Variants in EPB41L3 observed in about 807,000 individuals in gnomAD.
The protein encoded by EPB41L3 is erythrocyte membrane protein band 4.1 like 3, also known as band 4.1-like protein 3.
Under a neutral mutation model 127.1 loss-of-function variants are expected in EPB41L3, and 57 were observed. The ratio of observed to expected loss-of-function variants is 0.45; its 90% confidence interval spans 0.36 to 0.56. The LOEUF (loss-of-function observed/expected upper bound fraction) is 0.56, where lower values mean the gene tolerates loss of function less well. Among genes scored for constraint, EPB41L3 ranks in the 20% least tolerant of loss-of-function variants. EPB41L3 has a pLI of 0.00. For synonymous variants in EPB41L3, 572 were observed against 549.5 expected (o/e 1.04, Z -0.57); for missense variants, 1,273 against 1,372.2 (o/e 0.93, Z 1.14).
intron 5 of EPB41L3, among the ~76,000 whole-genome samples, chr18:5,442,101 C>G (rs554785411): frequency 1.4e-4 from 21 of 152,032 alleles, no homozygotes; most frequent in Non-Finnish European, 2.4e-4. Context: ...CTCAGTATTC[C>G]ATTAATTAGA....
intron 1 of EPB41L3, among the ~76,000 whole-genome samples, chr18:5,625,869 T>C (rs2094917605): frequency 6.6e-6 from 1 of 152,116 alleles, no homozygotes; most frequent in South Asian, 2.1e-4. Flanking sequence ...TTCACCCTTG[T>C]TTTCCCACCA....
chr18:5,630,558 G>C, upstream of EPB41L3: 1 of 516,052 alleles, frequency 1.9e-6, no homozygotes, highest in Non-Finnish European at 3.9e-6. Context: ...TCGGCGGCGG[G>C]AAAGAGCTCC....
Position 5,428,255 on chromosome 18 carries a change from C to T in EPB41L3, c.1065+58G>A, listed in dbSNP as rs553854511. 6.0e-4 allele frequency: 956 copies of T among 1,594,366 alleles called. 4 individuals are homozygous for T. In the South Asian group the frequency reaches 6.3e-3, roughly 10 times the overall value. On this transcript the variant is annotated intron_variant, in intron 9 of 22. Coordinates refer to ENST00000341928, the MANE Select transcript of EPB41L3 (RefSeq NM_012307.5). ...AACTCATAAGCAGATAATTTAAATG[C>T]TTGCTTGCTATCAGGGATCTTTCCT...
chr18:5,543,093 G>T lies in EPB41L3; in HGVS notation c.-12+820C>A, dbSNP rs1396952202. 1.3e-5 allele frequency among the ~76,000 whole-genome samples: 2 copies of T among 151,650 alleles called. No homozygotes were observed. The highest frequency in any genetic ancestry group is 4.8e-5 in the African/African-American group (2 of 41,358). On this transcript the variant is annotated intron_variant, in intron 1 of 22. Coordinates refer to ENST00000341928, the MANE Select transcript of EPB41L3 (RefSeq NM_012307.5). The surrounding 1 kb of genome is among the most constrained non-coding windows in gnomAD (Gnocchi z 5.2). Reference sequence around the variant, plus strand: ...CGCCGCCCCGAGCCCCCGGGCCACGGCAGGCCGACCCAGGCGCCCCCGGCC... The same window carrying T: ...CGCCGCCCCGAGCCCCCGGGCCACGTCAGGCCGACCCAGGCGCCCCCGGCC...
rs140386239 is a variant in EPB41L3, at chr18:5,415,846, T to C, written c.2039A>G (p.Asn680Ser). 1,365 of 1,612,938 alleles carry C rather than the reference T, an allele frequency of 8.5e-4. 6 individuals are homozygous for C. In the African/African-American group the frequency reaches 0.014, roughly 17 times the overall value. The change falls in exon 13 of 23, where the codon AAT becomes AGT. Residue 680 changes from asparagine (N) to serine (S), a missense_variant. This residue lies in a region of EPB41L3 where 765 missense variants were observed against 782.9 expected (regional missense o/e 0.98). Coordinates refer to ENST00000341928, the MANE Select transcript of EPB41L3 (RefSeq NM_012307.5). ...KAASLSASLD[N>S]DPSDSSEEET... The stretch of plus-strand genomic sequence containing the variant: ...TTCCTCTGAACTGTCACTCGGGTCA[T>C]TGTCTAGGGAGGCGCTCAAGGAGGC...
intron 15 of EPB41L3, 97 bp downstream of exon 15, chr18:5,407,604 A>G (rs1285425279): frequency 3.1e-6 from 4 of 1,282,362 alleles, no homozygotes; most frequent in South Asian, 2.6e-5. Context: ...CCAGCTACAG[A>G]GCATGCTGAA....
At chr18:5,617,471 A>G (rs531850199) in intron 1 of EPB41L3, among the ~76,000 whole-genome samples, 1 of 152,256 alleles carries the variant, frequency 6.6e-6, no homozygotes, top group East Asian at 1.9e-4. Flanking sequence ...GGCGCCAGCC[A>G]CCACACCCGG....
At chr18:5,627,482 C>T (rs990073969) in intron 1 of EPB41L3, among the ~76,000 whole-genome samples, 3 of 152,156 alleles carry the variant, frequency 2.0e-5, no homozygotes, top group Admixed American at 6.5e-5. Context: ...ATCTTAAGTG[C>T]CTTCTTATTT....
intron 3 of EPB41L3, among the ~76,000 whole-genome samples, chr18:5,577,918 C>A (rs553350025): frequency 6.2e-4 from 94 of 152,302 alleles, no homozygotes; most frequent in African/African-American, 2.3e-3. Flanking sequence ...CATTGAAATT[C>A]TCCCCTTGTA....
At chr18:5,432,910 A>G (rs1343300465) in intron 8 of EPB41L3, among the ~76,000 whole-genome samples, 1 of 152,228 alleles carries the variant, frequency 6.6e-6, no homozygotes, top group African/African-American at 2.4e-5. Flanking sequence ...GACTTCTTAA[A>G]TTCAATATGA....
In EPB41L3 at chr18:5,416,259, AT is replaced by A. The variant is rs1372448559; in HGVS notation, c.1625del (p.Tyr542LeufsTer25). On this transcript the variant is annotated frameshift_variant, in exon 13 of 23. Coordinates refer to ENST00000341928, the MANE Select transcript of EPB41L3 (RefSeq NM_012307.5). LOFTEE classifies it high-confidence loss of function. Reference sequence around the variant, plus strand: ...GCAGGTGCTCAGCTCTGGACGGCTCATAACCTGGCAGTTTGCAGTCATTCTC... The same window carrying A: ...GCAGGTGCTCAGCTCTGGACGGCTCAAACCTGGCAGTTTGCAGTCATTCTC... ...CKENDCKLPGYEPSRAEHLPG... is the reference protein window; with the variant it reads ...CKENDCKLPGXEPSRAEHLPG... 1 of 1,614,054 alleles carries A rather than the reference AT, an allele frequency of 6.2e-7. No homozygotes were observed. The highest frequency in any genetic ancestry group is 1.3e-5 in the African/African-American group (1 of 74,912).
intron 3 of EPB41L3, among the ~76,000 whole-genome samples, chr18:5,575,764 G>T (rs2094331129): frequency 2.0e-5 from 3 of 152,128 alleles, no homozygotes; most frequent in Admixed American, 2.0e-4. Flanking sequence ...TTGAACCCAG[G>T]AGACGGAGGT....
intron 7 of EPB41L3, 114 bp from the exon 8 acceptor site, chr18:5,433,670 A>G: frequency 2.1e-6 from 2 of 949,458 alleles, no homozygotes; most frequent in Non-Finnish European, 3.2e-6. Context: ...GCACCAGCAG[A>G]TACATGAGAA....
At chr18:5,404,409 C>T (rs2075021428) in intron 16 of EPB41L3, among the ~76,000 whole-genome samples, 1 of 152,118 alleles carries the variant, frequency 6.6e-6, no homozygotes. Flanking sequence ...TTTAAATAAC[C>T]AAACTGCTTT....
intron 3 of EPB41L3, among the ~76,000 whole-genome samples, chr18:5,563,984 T>A (rs2094166071): frequency 6.6e-6 from 1 of 151,768 alleles, no homozygotes; most frequent in Non-Finnish European, 1.5e-5. Flanking sequence ...CACCAACAGG[T>A]AAAGGTTGAA....
chr18:5,587,224 C>A (rs754451188), intron 3 of EPB41L3, among the ~76,000 whole-genome samples: 7 of 152,108 alleles, frequency 4.6e-5, no homozygotes, highest in African/African-American at 1.7e-4. Flanking sequence ...GGGCGTTAGA[C>A]AGCAGTCCCC....
chr18:5,423,231 T>A (rs959234372), intron 11 of EPB41L3, 147 bp downstream of exon 11: 2 of 786,784 alleles, frequency 2.5e-6, no homozygotes, highest in Non-Finnish European at 3.6e-6. Flanking sequence ...GGGGGAGACT[T>A]AAAAATGTGC....
intron 1 of EPB41L3, among the ~76,000 whole-genome samples, chr18:5,537,681 C>T (rs1205513425): frequency 5.3e-5 from 8 of 152,124 alleles, no homozygotes; most frequent in Non-Finnish European, 1.0e-4. Context: ...CCCATTACTC[C>T]CCAGCATACA....
intron 1 of EPB41L3, among the ~76,000 whole-genome samples, chr18:5,541,962 T>A (rs373049580): frequency 6.6e-6 from 1 of 152,242 alleles, no homozygotes; most frequent in African/African-American, 2.4e-5. Context: ...GCATCTGATA[T>A]TTTGCTTTTC....
Sources: gnomAD v4.1 joint callset for allele counts (sites outside exome capture counted in the v4.1 genomes callset) on GRCh38, gnomAD v4.1.1 for gene constraint, gnomAD v4.1.1 regional missense constraint, Gnocchi (gnomAD v3.1) non-coding constraint, MANE v1.5 for transcripts, NCBI Gene and HGNC (gene_info 2026-07-23, HGNC 2026-07-21) for gene names.